Variants in FAM13A observed in about 807,000 individuals in gnomAD.
FAM13A encodes the protein family with sequence similarity 13 member A, also known as protein FAM13A.
In FAM13A, 76 loss-of-function variants were observed where a neutral mutation model predicts 129.6. The ratio of observed to expected loss-of-function variants is 0.59; its 90% confidence interval spans 0.49 to 0.71. The LOEUF is 0.71. FAM13A is among the 30% of genes least tolerant of loss of function. The pLI is 0.00. For synonymous variants in FAM13A, 443 were observed against 449.9 expected (o/e 0.98, Z 0.20); for missense variants, 1,108 against 1,249.3 (o/e 0.89, Z 1.70).
At chr4:89,003,443 T>C (rs1224318469) in intron 3 of FAM13A, among the ~76,000 whole-genome samples, 1 of 152,036 alleles carries the variant, frequency 6.6e-6, no homozygotes, top group African/African-American at 2.4e-5. Context: ...AAACCCTGTC[T>C]CTACTAAAAA....
intron 6 of FAM13A, among the ~76,000 whole-genome samples, chr4:88,856,898 G>GAT (rs1175563540): frequency 1.3e-5 from 2 of 152,096 alleles, no homozygotes; most frequent in Admixed American, 1.3e-4. Flanking sequence ...ACAAAAAAAA[G>GAT]ATACATAGTT....
chr4:88,767,650 G>A lies in FAM13A; in HGVS notation c.1536-55C>T, dbSNP rs955780959. 8 of 1,357,932 alleles carry A rather than the reference G, an allele frequency of 5.9e-6. No homozygotes were observed. In the East Asian group the frequency reaches 7.1e-5, roughly 12 times the overall value. 84.1% of individuals were successfully genotyped at this position (1,357,932 alleles called of 1,614,324 possible). A position where few individuals can be genotyped will look rare whatever the true frequency, so the allele number is the denominator to read the frequency against. On this transcript the variant is annotated intron_variant, in intron 12 of 23. Coordinates refer to ENST00000264344, the MANE Select transcript of FAM13A (RefSeq NM_014883.4). Reference sequence around the variant, plus strand: ...ATAAAATATCTACTTGTTTTATAACGTTTTTCATCCACTGATATTATGATT... The same window carrying A: ...ATAAAATATCTACTTGTTTTATAACATTTTTCATCCACTGATATTATGATT...
intron 6 of FAM13A, among the ~76,000 whole-genome samples, chr4:88,867,412 T>C (rs1275368753): frequency 6.6e-6 from 1 of 152,210 alleles, no homozygotes; most frequent in Non-Finnish European, 1.5e-5. Flanking sequence ...AAAACATGAC[T>C]AAATAGAACA....
chr4:88,865,030 ATC>A (rs1579017444), intron 6 of FAM13A, among the ~76,000 whole-genome samples: 2 of 152,344 alleles, frequency 1.3e-5, no homozygotes, highest in East Asian at 3.9e-4. Context: ...AAAAGAAAGT[ATC>A]TGCGAAAAAA....
At chr4:88,890,295 T>C (rs985275633) in intron 6 of FAM13A, among the ~76,000 whole-genome samples, 2 of 152,172 alleles carry the variant, frequency 1.3e-5, no homozygotes, top group African/African-American at 4.8e-5. Context: ...GAGGAGATGA[T>C]TCAGGTCCAG....
chr4:88,925,924 G>C (rs1752073660), intron 5 of FAM13A, among the ~76,000 whole-genome samples: 1 of 152,070 alleles, frequency 6.6e-6, no homozygotes, highest in African/African-American at 2.4e-5. Context: ...TTCGTGGAGG[G>C]GGTAGTATTT....
At chr4:89,036,409 T>C (rs1208129457) in intron 1 of FAM13A, among the ~76,000 whole-genome samples, 1 of 152,230 alleles carries the variant, frequency 6.6e-6, no homozygotes, top group African/African-American at 2.4e-5. Flanking sequence ...AGATTTGACC[T>C]GGCTGCTTCT....
At chr4:88,789,335 A>G (rs1724633198) in intron 9 of FAM13A, among the ~76,000 whole-genome samples, 1 of 152,192 alleles carries the variant, frequency 6.6e-6, no homozygotes, top group Non-Finnish European at 1.5e-5. Context: ...TTTCTCTCCC[A>G]ACAAGGAATT....
chr4:88,835,886 G>C (rs1170746858), intron 7 of FAM13A, among the ~76,000 whole-genome samples: 1 of 152,028 alleles, frequency 6.6e-6, no homozygotes, highest in Non-Finnish European at 1.5e-5. Flanking sequence ...ATAGGCCATG[G>C]ACCTGTACCA....
chr4:88,806,434 G>C (rs866904246), intron 7 of FAM13A, among the ~76,000 whole-genome samples: 15 of 152,200 alleles, frequency 9.9e-5, no homozygotes, highest in Middle Eastern at 3.4e-3. Context: ...TCGACTGATA[G>C]TATTAAACTT....
At chr4:88,909,597 C>T (rs1748717900) in intron 5 of FAM13A, among the ~76,000 whole-genome samples, 2 of 152,068 alleles carry the variant, frequency 1.3e-5, no homozygotes, top group Non-Finnish European at 2.9e-5. Context: ...AGCGATTCTC[C>T]TGTCTCAGCC....
At chr4:88,798,633 T>G (rs907084031) in intron 8 of FAM13A, among the ~76,000 whole-genome samples, 3 of 152,200 alleles carry the variant, frequency 2.0e-5, no homozygotes, top group Admixed American at 6.5e-5. Context: ...GGTAAAAATA[T>G]GTTTCTCCGT....
intron 6 of FAM13A, among the ~76,000 whole-genome samples, chr4:88,882,328 A>G (rs1743715890): frequency 6.6e-6 from 1 of 152,198 alleles, no homozygotes; most frequent in Admixed American, 6.5e-5. Context: ...GCTTATCTTT[A>G]GACTGCTTAA....
intron 4 of FAM13A, among the ~76,000 whole-genome samples, chr4:88,980,431 C>A (rs560722170): frequency 4.6e-5 from 7 of 152,276 alleles, no homozygotes; most frequent in African/African-American, 1.7e-4. Flanking sequence ...CCAATTATCA[C>A]AGTTACAAGT....
chr4:88,885,686 C>T (rs573470791), intron 6 of FAM13A, among the ~76,000 whole-genome samples: 8 of 152,056 alleles, frequency 5.3e-5, no homozygotes, highest in East Asian at 3.9e-4. Context: ...AAAGCTTCTG[C>T]ACAGCAAAAG....
intron 3 of FAM13A, among the ~76,000 whole-genome samples, chr4:89,017,416 C>A (rs964995284): frequency 1.3e-5 from 2 of 151,988 alleles, no homozygotes; most frequent in African/African-American, 4.8e-5. Flanking sequence ...GGAATCACGT[C>A]ATAAAGAATA....
intron 4 of FAM13A, among the ~76,000 whole-genome samples, chr4:88,950,396 T>C (rs2148873289): frequency 6.6e-6 from 1 of 152,248 alleles, no homozygotes; most frequent in East Asian, 1.9e-4. Context: ...TTGATATATT[T>C]AATTGATATT....
chr4:88,909,697 G>A (rs541448975), intron 5 of FAM13A, among the ~76,000 whole-genome samples: 1 of 152,212 alleles, frequency 6.6e-6, no homozygotes, highest in South Asian at 2.1e-4. Flanking sequence ...ATGTTGGCCA[G>A]GATGGTCTCT....
At chr4:88,929,926 A>G (rs1752780227) in intron 5 of FAM13A, among the ~76,000 whole-genome samples, 1 of 152,072 alleles carries the variant, frequency 6.6e-6, no homozygotes, top group East Asian at 1.9e-4. Flanking sequence ...TTTTGTAAAG[A>G]CAGGGTCTTG....
Sources: gnomAD v4.1 joint callset for allele counts (sites outside exome capture counted in the v4.1 genomes callset) on GRCh38, gnomAD v4.1.1 for gene constraint, MANE v1.5 for transcripts, NCBI Gene and HGNC (gene_info 2026-07-23, HGNC 2026-07-21) for gene names.